The following TRDN variants were observed in gnomAD, a reference collection of about 807,000 sequenced individuals.
TRDN encodes the protein triadin in skeletal muscle.
Under a neutral mutation model 149.7 loss-of-function variants are expected in TRDN, and 161 were observed. The observed-to-expected ratio is 1.08, with a 90% CI of 0.95 to 1.23. The LOEUF (loss-of-function observed/expected upper bound fraction) is 1.23, where lower values mean the gene tolerates loss of function less well. Ranked by LOEUF, TRDN falls within the 50% of genes most tolerant of loss-of-function variation. The pLI is 0.00. For synonymous variants in TRDN, 294 were observed against 250.5 expected (o/e 1.17, Z -1.64); for missense variants, 896 against 823.5 (o/e 1.09, Z -1.08).
intron 38 of TRDN, among the ~76,000 whole-genome samples, chr6:123,237,405 A>C (rs1235506939): frequency 6.6e-6 from 1 of 152,090 alleles, no homozygotes; most frequent in Non-Finnish European, 1.5e-5. Context: ...AAGTGCCACC[A>C]TGCCCGGCTA....
chr6:123,443,995 C>T (rs1016421696), intron 10 of TRDN, among the ~76,000 whole-genome samples: 11 of 151,002 alleles, frequency 7.3e-5, no homozygotes, highest in African/African-American at 1.5e-4. Context: ...ATTGACTTGG[C>T]GATGTAGGCT....
intron 4 of TRDN, among the ~76,000 whole-genome samples, chr6:123,543,570 A>T (rs998996520): frequency 1.2e-4 from 18 of 152,164 alleles, no homozygotes; most frequent in African/African-American, 4.3e-4. Flanking sequence ...ATTTTCTATT[A>T]CAATCATGCT....
At chr6:123,557,409 G>A (rs557446247) in intron 2 of TRDN, among the ~76,000 whole-genome samples, 7 of 152,144 alleles carry the variant, frequency 4.6e-5, no homozygotes, top group African/African-American at 1.2e-4. Context: ...ATTTTAAATC[G>A]GGTAAGCAGC....
At chr6:123,585,148 G>T (rs539544550) in intron 1 of TRDN, among the ~76,000 whole-genome samples, 16 of 139,784 alleles carry the variant, frequency 1.1e-4, no homozygotes, top group African/African-American at 3.0e-4. Flanking sequence ...TTAAGGTGGG[G>T]GAATACAAGA....
chr6:123,475,582 A>G lies in TRDN; in HGVS notation c.854-10599T>C, dbSNP rs370688715. Among the ~76,000 whole-genome samples the G allele has an allele frequency of 7.1e-4, 85 of 120,410 alleles. No homozygotes were observed. In the East Asian group the frequency reaches 0.013, roughly 18 times the overall value. The allele number at this position is 120,410 out of a possible 152,430, so 79.0% of individuals were successfully genotyped here. ...ATGAGGCCAGCATCATTCTGATACC[A>G]AAGCCAGGCAGAGACACAACCAAAA... On this transcript the variant is annotated intron_variant, in intron 9 of 40. Transcript: ENST00000334268.
chr6:123,395,312 T>C (rs1312276049), intron 12 of TRDN, among the ~76,000 whole-genome samples: 4 of 152,132 alleles, frequency 2.6e-5, no homozygotes, highest in African/African-American at 9.7e-5. Context: ...GCAAATTATG[T>C]AGTGCTTTTC....
intron 1 of TRDN, among the ~76,000 whole-genome samples, chr6:123,606,543 A>G (rs1784536715): frequency 6.6e-6 from 1 of 152,060 alleles, no homozygotes. Context: ...TAGTTTAGTC[A>G]ACACTTTTAT....
intron 12 of TRDN, among the ~76,000 whole-genome samples, chr6:123,430,289 A>C (rs1017222110): frequency 6.6e-6 from 1 of 151,950 alleles, no homozygotes; most frequent in South Asian, 2.1e-4. Context: ...TAATAATAAT[A>C]ACAATAAAAC....
chr6:123,627,582 A>C (rs1344493043), intron 1 of TRDN, among the ~76,000 whole-genome samples: 1 of 152,188 alleles, frequency 6.6e-6, no homozygotes, highest in Non-Finnish European at 1.5e-5. Context: ...ATTGGCTTCA[A>C]CTTGAAGTCA....
intron 8 of TRDN, among the ~76,000 whole-genome samples, chr6:123,499,211 A>T (rs1778575410): frequency 6.6e-6 from 1 of 152,146 alleles, no homozygotes; most frequent in Non-Finnish European, 1.5e-5. Flanking sequence ...TTAATATAAC[A>T]TCCCCTCCAA....
intron 2 of TRDN, among the ~76,000 whole-genome samples, chr6:123,556,594 T>C (rs562889418): frequency 1.6e-3 from 244 of 150,728 alleles, no homozygotes; most frequent in African/African-American, 5.7e-3. Context: ...CTTTCTCTTC[T>C]TCCTCCTCCT....
At chr6:123,293,293 C>G (rs1778077070) in intron 24 of TRDN, among the ~76,000 whole-genome samples, 1 of 152,114 alleles carries the variant, frequency 6.6e-6, no homozygotes, top group Non-Finnish European at 1.5e-5. Context: ...CGGATTATAC[C>G]TGAATCCTCC....
chr6:123,525,633 A>G (rs1779905934), intron 5 of TRDN, among the ~76,000 whole-genome samples: 1 of 152,048 alleles, frequency 6.6e-6, no homozygotes, highest in Non-Finnish European at 1.5e-5. Flanking sequence ...GAAGAGCTCA[A>G]TCCCCATCAT....
chr6:123,497,509 G>C (rs1457739134), intron 8 of TRDN, among the ~76,000 whole-genome samples: 4 of 152,068 alleles, frequency 2.6e-5, no homozygotes, highest in Non-Finnish European at 4.4e-5. Context: ...TCTTATAGTG[G>C]TTGTTTTCAA....
intron 24 of TRDN, among the ~76,000 whole-genome samples, chr6:123,281,128 G>GA (rs1302166302): frequency 2.0e-5 from 3 of 151,430 alleles, no homozygotes; most frequent in African/African-American, 4.8e-5. Flanking sequence ...TATTCAGGCG[G>GA]AAAAAAAAGC....
chr6:123,528,895 T>C (rs1780077716), intron 5 of TRDN: 22 of 1,041,938 alleles, frequency 2.1e-5, no homozygotes, highest in Admixed American at 4.9e-5. Flanking sequence ...ATAGTTACTT[T>C]TACAAAACAT....
At chr6:123,289,789 T>C (rs953608660) in intron 24 of TRDN, among the ~76,000 whole-genome samples, 1 of 152,092 alleles carries the variant, frequency 6.6e-6, no homozygotes, top group Non-Finnish European at 1.5e-5. Flanking sequence ...TGAGTCAATG[T>C]AGTGAAGCCA....
intron 1 of TRDN, among the ~76,000 whole-genome samples, chr6:123,592,464 G>A (rs933724893): frequency 1.3e-5 from 2 of 152,146 alleles, no homozygotes; most frequent in Non-Finnish European, 2.9e-5. Context: ...AGACAGGCAG[G>A]ACGTCACTTT....
intron 21 of TRDN, among the ~76,000 whole-genome samples, chr6:123,341,782 T>G (rs912529606): frequency 1.6e-4 from 25 of 151,976 alleles, no homozygotes; most frequent in African/African-American, 5.6e-4. Context: ...TGTAAATACT[T>G]CTTTGAAGAG....
Sources: allele counts gnomAD v4.1 joint callset (sites outside exome capture counted in the v4.1 genomes callset), GRCh38; gene constraint gnomAD v4.1.1; transcripts MANE v1.5; gene names NCBI Gene and HGNC (gene_info 2026-07-23, HGNC 2026-07-21).